SPTSSA: variants seen among roughly 807,000 people sequenced by gnomAD.
The protein encoded by SPTSSA is serine palmitoyltransferase small subunit A, also known as small subunit of serine palmitoyltransferase A.
In SPTSSA, 8 loss-of-function variants were observed where a neutral mutation model predicts 9.1. The ratio of observed to expected loss-of-function variants is 0.88; its 90% CI spans 0.51 to 1.58. The LOEUF (loss-of-function observed/expected upper bound fraction) is 1.58, where lower values mean the gene tolerates loss of function less well. Among genes scored for constraint, SPTSSA ranks in the 40% most tolerant of loss-of-function variants. The pLI, the probability that SPTSSA is intolerant of heterozygous loss-of-function variation, is 0.00. For missense variants in SPTSSA, 100 were observed against 93.8 expected (o/e 1.07, Z -0.27); for synonymous variants, 42 against 37.7 (o/e 1.11, Z -0.41).
At chr14:34,451,253 A>G (rs1012698518) in intron 1 of SPTSSA, among the ~76,000 whole-genome samples, 9 of 152,198 alleles carry the variant, frequency 5.9e-5, no homozygotes, top group Admixed American at 3.9e-4. Flanking sequence ...GGAAAAGGTC[A>G]TAGACCTTTG....
At chr14:34,451,814 A>C (rs1883532384) in intron 1 of SPTSSA, among the ~76,000 whole-genome samples, 1 of 152,178 alleles carries the variant, frequency 6.6e-6, no homozygotes, top group Non-Finnish European at 1.5e-5. Flanking sequence ...TTAATGAAAA[A>C]AGAAAACAAA....
intron 1 of SPTSSA, among the ~76,000 whole-genome samples, chr14:34,445,971 A>G (rs1237475333): frequency 5.3e-5 from 8 of 152,194 alleles, no homozygotes; most frequent in Non-Finnish European, 1.2e-4. Flanking sequence ...ACATTTGGTC[A>G]CCTGGTGGGC....
chr14:34,448,936 G>GGTA (rs1363774129), intron 1 of SPTSSA, among the ~76,000 whole-genome samples: 1 of 151,700 alleles, frequency 6.6e-6, no homozygotes, highest in Non-Finnish European at 1.5e-5. Context: ...GGAGGTTGAG[G>GGTA]CTACAGTGAG....
intron 1 of SPTSSA, among the ~76,000 whole-genome samples, chr14:34,454,509 A>G (rs1381958260): frequency 6.6e-6 from 1 of 152,246 alleles, no homozygotes; most frequent in Non-Finnish European, 1.5e-5. Context: ...AGTACAGTTA[A>G]GAGATATCCT....
intron 1 of SPTSSA, among the ~76,000 whole-genome samples, chr14:34,442,024 C>T (rs577507916): frequency 1.4e-4 from 22 of 152,106 alleles, no homozygotes; most frequent in East Asian, 3.9e-4. Flanking sequence ...TACAGGCGCC[C>T]GCCACCATGC....
chr14:34,460,353 A>G (rs8005729), intron 1 of SPTSSA, among the ~76,000 whole-genome samples: 1 of 151,516 alleles, frequency 6.6e-6, no homozygotes, highest in African/African-American at 2.4e-5. Context: ...CACCTATTTG[A>G]AAAAAAAATT....
At position 34,435,751 on chromosome 14, in the gene SPTSSA, T is replaced by C. The variant is rs28537265; in HGVS notation, c.113-447A>G. Among the ~76,000 whole-genome samples, 3 of 149,932 alleles carry C rather than the reference T, an allele frequency of 2.0e-5. 1 individual carries two copies. The highest frequency in any genetic ancestry group is 6.7e-5 in the Admixed American group (1 of 14,916). The stretch of plus-strand genomic sequence containing the variant: ...TTCAAGTGATTCTCCTGTCTTAGCC[T>C]CCTGAGTAGCTGGGATTACAGGTGC... On this transcript the variant is annotated intron_variant, in intron 1 of 1. Transcript: ENST00000298130.
chr14:34,452,083 C>CA (rs921281884), intron 1 of SPTSSA, among the ~76,000 whole-genome samples: 9 of 150,560 alleles, frequency 6.0e-5, no homozygotes, highest in African/African-American at 7.3e-5. Context: ...GAGGTCAGAC[C>CA]AAAAAAAATA....
At chr14:34,441,672 CCT>C (rs571323529) in intron 1 of SPTSSA, among the ~76,000 whole-genome samples, 2 of 151,506 alleles carry the variant, frequency 1.3e-5, no homozygotes, top group South Asian at 2.1e-4. Context: ...CTCTCTCTCT[CCT>C]CTCTCTCTTT....
In SPTSSA at chr14:34,434,594, TTTCA is replaced by T. The variant is rs1270608512; in HGVS notation, c.*603_*606del. On this transcript the variant is annotated 3_prime_UTR_variant, in exon 2 of 2. Transcript: ENST00000298130. ...TTTAACTTTAGCAAGATCTTTTCTT[TTTCA>T]TTAAGAAACACTTTAATAATTTTAA... 1 of 152,664 alleles carries T rather than the reference TTTCA, an allele frequency of 6.6e-6. No homozygotes were observed. Among genetic ancestry groups the T allele is most frequent in the Non-Finnish European group, 1.5e-5 (1 of 68,032 alleles). The allele number at this position is 152,664 out of a possible 1,614,324, so 9.5% of individuals were successfully genotyped here. A position where few individuals can be genotyped will look rare whatever the true frequency, so the allele number is the denominator to read the frequency against.
intron 1 of SPTSSA, among the ~76,000 whole-genome samples, chr14:34,460,458 C>T (rs953938602): frequency 7.2e-5 from 11 of 152,040 alleles, no homozygotes; most frequent in Non-Finnish European, 5.9e-5. Context: ...ATTTCTCCAT[C>T]CCCCAAAAAA....
intron 1 of SPTSSA, among the ~76,000 whole-genome samples, chr14:34,446,419 G>C (rs956540526): frequency 6.6e-6 from 1 of 152,154 alleles, no homozygotes; most frequent in Non-Finnish European, 1.5e-5. Context: ...AATAGAAGTG[G>C]AAAAGGGGTC....
chr14:34,440,490 A>T (rs182149180), intron 1 of SPTSSA, among the ~76,000 whole-genome samples: 12 of 152,356 alleles, frequency 7.9e-5, no homozygotes, highest in African/African-American at 2.4e-4. Context: ...TATGTTACAT[A>T]GTCTTTATGA....
chr14:34,460,861 G>A (rs917738697), intron 1 of SPTSSA, among the ~76,000 whole-genome samples: 4 of 152,170 alleles, frequency 2.6e-5, no homozygotes, highest in Non-Finnish European at 5.9e-5. Flanking sequence ...TCCAAAATAT[G>A]CATTCTGGTT....
At chr14:34,441,265 TGACA>T (rs1300758840) in intron 1 of SPTSSA, among the ~76,000 whole-genome samples, 1 of 152,188 alleles carries the variant, frequency 6.6e-6, no homozygotes, top group Non-Finnish European at 1.5e-5. Context: ...ACTTCAGTTA[TGACA>T]GGAAATAGCC....
intron 1 of SPTSSA, among the ~76,000 whole-genome samples, chr14:34,445,329 CCT>C (rs1883402933): frequency 6.6e-6 from 1 of 151,900 alleles, no homozygotes; most frequent in Non-Finnish European, 1.5e-5. Context: ...ATGGCCAAAC[CCT>C]GTCTATGAAA....
chr14:34,449,574 C>T (rs76367167), intron 1 of SPTSSA, among the ~76,000 whole-genome samples: 18,254 of 148,110 alleles, frequency 0.12, 1,283 homozygotes, highest in East Asian at 0.28. Flanking sequence ...ACGATCTTGG[C>T]TCACTGTAAC....
chr14:34,443,618 C>A (rs1883369582), intron 1 of SPTSSA, among the ~76,000 whole-genome samples: 1 of 149,966 alleles, frequency 6.7e-6, no homozygotes, highest in South Asian at 2.1e-4. Context: ...TCACTGCAAC[C>A]TCTGCCTCCC....
At chr14:34,446,057 G>A (rs979101308) in intron 1 of SPTSSA, among the ~76,000 whole-genome samples, 1 of 152,212 alleles carries the variant, frequency 6.6e-6, no homozygotes, top group Non-Finnish European at 1.5e-5. Flanking sequence ...CAAGAGGGCT[G>A]ATGTTGTAAC....
Sources: allele counts gnomAD v4.1 joint callset (sites outside exome capture counted in the v4.1 genomes callset), GRCh38; gene constraint gnomAD v4.1.1; transcripts MANE v1.5; gene names NCBI Gene and HGNC (gene_info 2026-07-23, HGNC 2026-07-21).